The following TBC1D22A variants were observed in gnomAD, a reference collection of about 807,000 sequenced individuals.
The protein encoded by TBC1D22A is TBC1 domain family member 22A.
Under a neutral mutation model 60.2 loss-of-function variants are expected in TBC1D22A, and 38 were observed. That is an observed-to-expected ratio of 0.63 (90% CI 0.49 to 0.83). TBC1D22A has a LOEUF of 0.83. TBC1D22A is among the 40% of genes least tolerant of loss of function. TBC1D22A has a pLI of 0.00. For synonymous variants in TBC1D22A, 302 were observed against 281.7 expected, an observed-to-expected ratio of 1.07 and a Z score of -0.72; for missense variants, 628 against 701.0, an observed-to-expected ratio of 0.90 and a Z score of 1.18.
intron 9 of TBC1D22A, among the ~76,000 whole-genome samples, chr22:46,987,921 A>C (rs1170067902): frequency 6.6e-6 from 1 of 152,208 alleles, no homozygotes. Flanking sequence ...AACCCCGGTC[A>C]GTTCTCCCAA....
At chr22:47,107,382 G>C (rs1170871349) in intron 11 of TBC1D22A, among the ~76,000 whole-genome samples, 2 of 152,166 alleles carry the variant, frequency 1.3e-5, no homozygotes, top group Non-Finnish European at 2.9e-5. Context: ...TAAAAACCCA[G>C]TGCTGTGCTA....
At chr22:46,912,210 A>T in intron 8 of TBC1D22A, 22 bp downstream of exon 8, 1 of 1,567,926 alleles carries the variant, frequency 6.4e-7, no homozygotes, top group Non-Finnish European at 8.8e-7. Flanking sequence ...TGCAAACATT[A>T]AACGTGAACT....
chr22:46,865,167 G>A (rs930873703), intron 4 of TBC1D22A, among the ~76,000 whole-genome samples: 8 of 152,146 alleles, frequency 5.3e-5, no homozygotes, highest in African/African-American at 1.9e-4. Flanking sequence ...ATCTCTGCAG[G>A]ATCCAGGCCC....
intron 9 of TBC1D22A, among the ~76,000 whole-genome samples, chr22:46,976,460 G>T (rs187481389): frequency 6.6e-6 from 1 of 152,294 alleles, no homozygotes; most frequent in Non-Finnish European, 1.5e-5. Flanking sequence ...AGATAAGGCC[G>T]TCCGAGCAGA....
At chr22:47,049,075 C>T (rs1434270555) in intron 11 of TBC1D22A, among the ~76,000 whole-genome samples, 4 of 152,224 alleles carry the variant, frequency 2.6e-5, no homozygotes, top group Admixed American at 1.3e-4. Flanking sequence ...TGTGACCTTT[C>T]GTTAATGGCC....
chr22:46,892,292 C>T (rs1184965154), intron 6 of TBC1D22A, among the ~76,000 whole-genome samples: 2 of 85,828 alleles, frequency 2.3e-5, no homozygotes, highest in Non-Finnish European at 5.6e-5. Context: ...TTGGTTTTAT[C>T]TGTAAAAAAA....
chr22:47,143,337 G>A (rs933859146), intron 12 of TBC1D22A, among the ~76,000 whole-genome samples: 1 of 152,228 alleles, frequency 6.6e-6, no homozygotes, highest in Non-Finnish European at 1.5e-5. Context: ...GTACTTGGCA[G>A]TGACCCTTTA....
intron 7 of TBC1D22A, among the ~76,000 whole-genome samples, chr22:46,904,492 G>A (rs563451540): frequency 6.4e-4 from 94 of 146,800 alleles, no homozygotes; most frequent in East Asian, 4.9e-3. Context: ...TTTTTGAGAC[G>A]GAGTCTTGCT....
At chr22:46,766,873 C>G (rs748440918) in intron 1 of TBC1D22A, among the ~76,000 whole-genome samples, 4 of 152,164 alleles carry the variant, frequency 2.6e-5, no homozygotes, top group Admixed American at 6.5e-5. Flanking sequence ...ACTAAAGTCC[C>G]CCTTTTTTGC....
At chr22:46,795,245 C>T (rs996821071) in intron 3 of TBC1D22A, among the ~76,000 whole-genome samples, 7 of 152,246 alleles carry the variant, frequency 4.6e-5, no homozygotes, top group African/African-American at 7.2e-5. Context: ...CTGTGGCAGT[C>T]GGAGTTGGCA....
At chr22:47,044,988 G>A (rs954428476) in intron 11 of TBC1D22A, among the ~76,000 whole-genome samples, 3 of 152,164 alleles carry the variant, frequency 2.0e-5, no homozygotes, top group African/African-American at 7.2e-5. Flanking sequence ...GTCTGGTCTG[G>A]GCGCCTCCAG....
chr22:47,044,029 C>A (rs79933170), intron 11 of TBC1D22A, among the ~76,000 whole-genome samples: 1,400 of 40,182 alleles, frequency 0.035, 26 homozygotes, highest in African/African-American at 0.16. Flanking sequence ...TACCATGGGT[C>A]CTCATAGCAG....
At chr22:47,146,659 G>T (rs1365923133) in intron 12 of TBC1D22A, among the ~76,000 whole-genome samples, 1 of 152,224 alleles carries the variant, frequency 6.6e-6, no homozygotes, top group African/African-American at 2.4e-5. Context: ...TTACAGGACA[G>T]GCAGCGAGAT....
chr22:46,792,036 C>T (rs1246142105), intron 1 of TBC1D22A, among the ~76,000 whole-genome samples: 1 of 152,252 alleles, frequency 6.6e-6, no homozygotes, highest in African/African-American at 2.4e-5. Flanking sequence ...GCTGGGATTA[C>T]AGGCGTGAGC....
At chr22:47,112,119 C>G in intron 12 of TBC1D22A, among the ~76,000 whole-genome samples, 1 of 152,240 alleles carries the variant, frequency 6.6e-6, no homozygotes, top group Non-Finnish European at 1.5e-5. Context: ...GCGTCAGAGG[C>G]ACGCCCTGCT....
intron 9 of TBC1D22A, among the ~76,000 whole-genome samples, chr22:46,996,116 C>T (rs902007978): frequency 8.5e-5 from 13 of 152,338 alleles, no homozygotes; most frequent in Admixed American, 3.3e-4. Context: ...CCCCCACTGT[C>T]GGAAAGGCTG....
At chr22:46,901,772 G>C (rs1446628452) in intron 7 of TBC1D22A, among the ~76,000 whole-genome samples, 1 of 152,108 alleles carries the variant, frequency 6.6e-6, no homozygotes, top group Non-Finnish European at 1.5e-5. Context: ...TCTTCTTTCT[G>C]ACGCTACGAT....
At chr22:46,968,646 C>G (rs1338565316) in intron 8 of TBC1D22A, among the ~76,000 whole-genome samples, 1 of 151,952 alleles carries the variant, frequency 6.6e-6, no homozygotes, top group Non-Finnish European at 1.5e-5. Flanking sequence ...GGCGTCCTCA[C>G]TGCGTAGCCG....
At chr22:46,934,006 A>T (rs182195815) in intron 8 of TBC1D22A, among the ~76,000 whole-genome samples, 2 of 152,244 alleles carry the variant, frequency 1.3e-5, no homozygotes, top group Admixed American at 1.3e-4. Flanking sequence ...TTTATATTTG[A>T]TATGTGCCTT....
Sources: allele counts gnomAD v4.1 joint callset (sites outside exome capture counted in the v4.1 genomes callset), GRCh38; gene constraint gnomAD v4.1.1; transcripts MANE v1.5; gene names NCBI Gene and HGNC (gene_info 2026-07-23, HGNC 2026-07-21).